KCNQ3: variants seen among roughly 807,000 people sequenced by gnomAD.
KCNQ3 encodes potassium voltage-gated channel subfamily KQT member 3.
KCNQ3 carries 30 observed loss-of-function variants against 92.5 expected under a neutral mutation model. The ratio of observed to expected loss-of-function variants is 0.32; its 90% CI spans 0.24 to 0.44. The LOEUF is 0.44. KCNQ3 is among the 20% of genes least tolerant of loss of function. The pLI, the probability that KCNQ3 is intolerant of heterozygous loss-of-function variation, is 1.00. For missense variants in KCNQ3, 913 were observed against 1,140.3 expected, an observed-to-expected ratio of 0.80 and a Z score of 2.87; for synonymous variants, 450 against 468.8, an observed-to-expected ratio of 0.96 and a Z score of 0.52.
intron 1 of KCNQ3, among the ~76,000 whole-genome samples, chr8:132,336,638 GT>G (rs1299253821): frequency 1.3e-5 from 2 of 152,180 alleles, no homozygotes; most frequent in Non-Finnish European, 2.9e-5. Flanking sequence ...GTCTAGCCAA[GT>G]CCCCCTGCCC....
At chr8:132,450,021 C>T (rs745589589) in intron 1 of KCNQ3, among the ~76,000 whole-genome samples, 3 of 152,154 alleles carry the variant, frequency 2.0e-5, no homozygotes, top group Admixed American at 1.3e-4. Context: ...CGTGGACCTC[C>T]GTGGTGAGTG....
chr8:132,205,406 T>C (rs1354817359), intron 1 of KCNQ3, among the ~76,000 whole-genome samples: 1 of 152,258 alleles, frequency 6.6e-6, no homozygotes, highest in Non-Finnish European at 1.5e-5. Flanking sequence ...CATCCTTCCA[T>C]GGACACCCAC....
chr8:132,330,496 C>T (rs916127367), intron 1 of KCNQ3, among the ~76,000 whole-genome samples: 1 of 152,148 alleles, frequency 6.6e-6, no homozygotes, highest in Non-Finnish European at 1.5e-5. Flanking sequence ...ACCTTCCTCT[C>T]GACACCAGCC....
chr8:132,153,621 C>T (rs1182402035), intron 9 of KCNQ3, among the ~76,000 whole-genome samples: 2 of 152,144 alleles, frequency 1.3e-5, no homozygotes, highest in Non-Finnish European at 2.9e-5. Context: ...TAAAAACACC[C>T]TCTTATATCA....
intron 1 of KCNQ3, among the ~76,000 whole-genome samples, chr8:132,445,435 A>G (rs1179375588): frequency 2.0e-5 from 3 of 151,774 alleles, no homozygotes; most frequent in Non-Finnish European, 2.9e-5. Flanking sequence ...ATTAGCTTGC[A>G]TTTATTTCCC....
intron 4 of KCNQ3, among the ~76,000 whole-genome samples, chr8:132,177,034 C>G (rs1264188917): frequency 6.6e-6 from 1 of 152,192 alleles, no homozygotes; most frequent in African/African-American, 2.4e-5. Context: ...TGGACTAGTC[C>G]TTACCCAGTG....
intron 1 of KCNQ3, among the ~76,000 whole-genome samples, chr8:132,429,391 C>A (rs1357125209): frequency 6.6e-6 from 1 of 152,136 alleles, no homozygotes; most frequent in Non-Finnish European, 1.5e-5. Context: ...AAAGATAATC[C>A]CATGGCCACG....
At chr8:132,293,781 AGAAACTGGGT>A (rs1816926416) in intron 1 of KCNQ3, among the ~76,000 whole-genome samples, 1 of 152,198 alleles carries the variant, frequency 6.6e-6, no homozygotes, top group Non-Finnish European at 1.5e-5. Flanking sequence ...AATAGTGTCC[AGAAACTGGGT>A]GATAAGTTGT....
At position 132,138,247 on chromosome 8, in the gene KCNQ3, T is replaced by A. The variant is rs564925467; in HGVS notation, c.1569-231A>T. ...TTTGAATAATAAGTAAATCATAGTATTAATAAGAGCTAACATTTATTGAGC... is the reference window on the plus strand; with the variant it reads ...TTTGAATAATAAGTAAATCATAGTAATAATAAGAGCTAACATTTATTGAGC... On this transcript the variant is annotated intron_variant, in intron 11 of 14. Transcript: ENST00000388996. 5.3e-5 allele frequency among the ~76,000 whole-genome samples: 8 copies of A among 152,350 alleles called. No homozygotes were observed. The South Asian group carries it at 1.7e-3, about 32-fold the overall frequency.
chr8:132,213,264 C>A (rs1813919440), intron 1 of KCNQ3, among the ~76,000 whole-genome samples: 1 of 152,170 alleles, frequency 6.6e-6, no homozygotes, highest in African/African-American at 2.4e-5. Flanking sequence ...CCAGCTTTGT[C>A]ATCTGACAGT....
Position 132,185,943 on chromosome 8 carries a change from A to G in KCNQ3, c.477+148T>C, listed in dbSNP as rs1264368115. The G allele has an allele frequency of 1.1e-5, 8 of 701,528 alleles. No homozygotes were observed. In the East Asian group the frequency reaches 1.9e-4, roughly 17 times the overall value. 43.5% of individuals were successfully genotyped at this position (701,528 alleles called of 1,614,324 possible). On this transcript the variant is annotated intron_variant, in intron 2 of 14. Coordinates refer to ENST00000388996, the MANE Select transcript of KCNQ3 (RefSeq NM_004519.4). ...TGCCCATGGCGGGCCATACCAAGTA[A>G]TGGAGGCTTTGCTTTTCCTTGGGCC...
intron 1 of KCNQ3, among the ~76,000 whole-genome samples, chr8:132,413,901 T>C (rs1445176787): frequency 6.6e-6 from 1 of 152,156 alleles, no homozygotes; most frequent in Non-Finnish European, 1.5e-5. Flanking sequence ...CGCCCACCCA[T>C]GACAAATGAA....
chr8:132,221,544 A>G (rs1814237740), intron 1 of KCNQ3, among the ~76,000 whole-genome samples: 1 of 152,210 alleles, frequency 6.6e-6, no homozygotes, highest in African/African-American at 2.4e-5. Context: ...TGTGGTTTTG[A>G]TTTGCATTTC....
chr8:132,462,890 C>G (rs145243196), intron 1 of KCNQ3, among the ~76,000 whole-genome samples: 2 of 152,288 alleles, frequency 1.3e-5, no homozygotes, highest in African/African-American at 4.8e-5. Flanking sequence ...CTCCCTCTCC[C>G]CATCTACCAT....
chr8:132,342,374 A>C (rs767089250), intron 1 of KCNQ3, among the ~76,000 whole-genome samples: 18 of 151,684 alleles, frequency 1.2e-4, no homozygotes, highest in Non-Finnish European at 2.5e-4. Context: ...ACCACCATCA[A>C]ATTTCCCCAA....
intron 9 of KCNQ3, among the ~76,000 whole-genome samples, chr8:132,147,439 A>G (rs930090194): frequency 1.3e-5 from 2 of 152,232 alleles, no homozygotes; most frequent in Non-Finnish European, 2.9e-5. Flanking sequence ...TTTTAGGAAG[A>G]CTGAGAGGCA....
chr8:132,375,477 C>T (rs1243049898), intron 1 of KCNQ3, among the ~76,000 whole-genome samples: 2 of 152,130 alleles, frequency 1.3e-5, no homozygotes, highest in Admixed American at 1.3e-4. Flanking sequence ...CACTGTACAC[C>T]CCTGTGAGAA....
chr8:132,275,213 T>C (rs911059716), intron 1 of KCNQ3, among the ~76,000 whole-genome samples: 10 of 152,036 alleles, frequency 6.6e-5, no homozygotes, highest in African/African-American at 2.2e-4. Flanking sequence ...AGTCACTCAA[T>C]AAATATCTAG....
At chr8:132,329,074 G>C (rs1165410218) in intron 1 of KCNQ3, among the ~76,000 whole-genome samples, 2 of 152,234 alleles carry the variant, frequency 1.3e-5, no homozygotes, top group Non-Finnish European at 2.9e-5. Flanking sequence ...TTGAGCACCA[G>C]TAAACAAGAA....
Sources: allele counts gnomAD v4.1 joint callset (sites outside exome capture counted in the v4.1 genomes callset), GRCh38; gene constraint gnomAD v4.1.1; transcripts MANE v1.5; gene names NCBI Gene and HGNC (gene_info 2026-07-23, HGNC 2026-07-21).